VAV3: variants seen among roughly 807,000 people sequenced by gnomAD.
VAV3 encodes guanine nucleotide exchange factor VAV3.
In VAV3, 94 loss-of-function variants were observed where a neutral mutation model predicts 131.2. The ratio of observed to expected loss-of-function variants is 0.72; its 90% confidence interval spans 0.61 to 0.85. The LOEUF is 0.85. VAV3 is among the 40% of genes least tolerant of loss of function. The probability of loss-of-function intolerance (pLI) is 0.00; values close to 1 mark genes in which losing one functional copy is unlikely to be tolerated. For synonymous variants in VAV3, 349 were observed against 342.0 expected (o/e 1.02, Z -0.22); for missense variants, 939 against 1,002.7 (o/e 0.94, Z 0.86).
At chr1:107,598,028 A>G (rs1651529328) in intron 24 of VAV3, among the ~76,000 whole-genome samples, 1 of 152,156 alleles carries the variant, frequency 6.6e-6, no homozygotes, top group Non-Finnish European at 1.5e-5. Flanking sequence ...ACTGTATCAT[A>G]CTATTAGCAA....
At chr1:107,939,090 T>A (rs1673859735) in intron 1 of VAV3, among the ~76,000 whole-genome samples, 1 of 152,238 alleles carries the variant, frequency 6.6e-6, no homozygotes, top group Non-Finnish European at 1.5e-5. Context: ...CTATTCTGGT[T>A]CTGGGGGCTG....
chr1:107,635,357 A>T (rs1654837040), intron 20 of VAV3, among the ~76,000 whole-genome samples: 1 of 151,802 alleles, frequency 6.6e-6, no homozygotes, highest in African/African-American at 2.4e-5. Context: ...ATTCTCAGCA[A>T]ATTATCGCAA....
intron 25 of VAV3, among the ~76,000 whole-genome samples, chr1:107,575,257 A>G (rs12094574): frequency 0.35 from 53,760 of 152,098 alleles, 9,944 homozygotes; most frequent in Middle Eastern, 0.42. Flanking sequence ...AACTTTATAA[A>G]TCTTAAATGG....
intron 2 of VAV3, among the ~76,000 whole-genome samples, chr1:107,870,548 G>A (rs1034271893): frequency 6.6e-6 from 1 of 151,932 alleles, no homozygotes; most frequent in Non-Finnish European, 1.5e-5. Context: ...CCTTTGTTTG[G>A]TGTATAGATT....
At chr1:107,914,818 T>A (rs754089712) in intron 1 of VAV3, among the ~76,000 whole-genome samples, 2 of 152,170 alleles carry the variant, frequency 1.3e-5, no homozygotes, top group African/African-American at 2.4e-5. Context: ...AAACAAGATT[T>A]GGTCCTTTTG....
chr1:107,843,541 A>G lies in VAV3; in HGVS notation c.321+31360T>C, dbSNP rs1014393475. 4.1e-5 allele frequency among the ~76,000 whole-genome samples: 6 copies of G among 147,572 alleles called. No individual in the cohort carries two copies. In the East Asian group the frequency reaches 1.2e-3, roughly 29 times the overall value. On this transcript the variant is annotated intron_variant, in intron 2 of 26. Transcript: ENST00000370056. ...TATGTGTGCGTGTGTGTGTGTGTATATATATATATTTATATATATATATAT... is the reference window on the plus strand; with the variant it reads ...TATGTGTGCGTGTGTGTGTGTGTATGTATATATATTTATATATATATATAT...
intron 2 of VAV3, among the ~76,000 whole-genome samples, chr1:107,794,991 C>T (rs1202319170): frequency 6.6e-6 from 1 of 152,116 alleles, no homozygotes; most frequent in Non-Finnish European, 1.5e-5. Context: ...TCAGCTTAAC[C>T]TCAGATGAAG....
At chr1:107,772,664 A>G in intron 5 of VAV3, 71 bp downstream of exon 5, 3 of 1,319,886 alleles carry the variant, frequency 2.3e-6, no homozygotes, top group African/African-American at 1.5e-5. Flanking sequence ...GATGTTACAT[A>G]AATTATTATG....
At chr1:107,814,799 AT>A (rs1667495532) in intron 2 of VAV3, among the ~76,000 whole-genome samples, 3 of 152,200 alleles carry the variant, frequency 2.0e-5, no homozygotes, top group African/African-American at 7.2e-5. Flanking sequence ...TCTAGCAGCA[AT>A]TTGCAGGACA....
intron 25 of VAV3, among the ~76,000 whole-genome samples, chr1:107,593,092 C>T (rs984924218): frequency 6.6e-6 from 1 of 152,030 alleles, no homozygotes; most frequent in Non-Finnish European, 1.5e-5. Flanking sequence ...GATAAAATCC[C>T]ATCACTCTGG....
At chr1:107,706,798 C>A (rs899847597) in intron 15 of VAV3, among the ~76,000 whole-genome samples, 1 of 152,066 alleles carries the variant, frequency 6.6e-6, no homozygotes. Flanking sequence ...TCCTGGCAAC[C>A]CGAAAAATTC....
intron 9 of VAV3, among the ~76,000 whole-genome samples, chr1:107,764,470 C>T (rs1343389553): frequency 6.6e-6 from 1 of 152,202 alleles, no homozygotes; most frequent in Non-Finnish European, 1.5e-5. Flanking sequence ...GGGCAATATG[C>T]ATGGCCTTTT....
intron 22 of VAV3, among the ~76,000 whole-genome samples, chr1:107,603,913 C>G (rs1229172414): frequency 6.6e-6 from 1 of 151,848 alleles, no homozygotes; most frequent in Non-Finnish European, 1.5e-5. Context: ...CAAGGGAGGC[C>G]TGTGCCTCAG....
At chr1:107,728,588 T>C (rs143842595) in intron 15 of VAV3, among the ~76,000 whole-genome samples, 3 of 115,976 alleles carry the variant, frequency 2.6e-5, no homozygotes, top group African/African-American at 1.1e-4. Context: ...GACAGTCATA[T>C]GTATACGTAT....
At chr1:107,875,399 G>T (rs1209521431) in intron 1 of VAV3, among the ~76,000 whole-genome samples, 1 of 152,112 alleles carries the variant, frequency 6.6e-6, no homozygotes, top group Non-Finnish European at 1.5e-5. Flanking sequence ...AAACAGGATG[G>T]TTAGAGAAGG....
intron 12 of VAV3, among the ~76,000 whole-genome samples, chr1:107,752,540 G>A (rs1360258717): frequency 6.6e-6 from 1 of 152,148 alleles, no homozygotes; most frequent in African/African-American, 2.4e-5. Context: ...AAAAGTATTT[G>A]CAAACCATAT....
chr1:107,573,920 G>T, intron 26 of VAV3, 127 bp downstream of exon 26: 3 of 1,243,088 alleles, frequency 2.4e-6, no homozygotes, highest in Non-Finnish European at 2.2e-6. Context: ...GTTTCCAGAG[G>T]GCAGAGGCCT....
intron 20 of VAV3, among the ~76,000 whole-genome samples, chr1:107,639,772 T>G (rs1484617346): frequency 6.6e-6 from 1 of 151,956 alleles, no homozygotes; most frequent in African/African-American, 2.4e-5. Context: ...AGCTAGACAC[T>G]ATCTCTAAAA....
chr1:107,818,911 G>A (rs1292974665), intron 2 of VAV3, among the ~76,000 whole-genome samples: 2 of 152,112 alleles, frequency 1.3e-5, no homozygotes, highest in Non-Finnish European at 2.9e-5. Flanking sequence ...TGACTTTCTT[G>A]AGAATCTTGA....
Sources: allele counts gnomAD v4.1 joint callset (sites outside exome capture counted in the v4.1 genomes callset), GRCh38; gene constraint gnomAD v4.1.1; transcripts MANE v1.5; gene names NCBI Gene and HGNC (gene_info 2026-07-23, HGNC 2026-07-21).